MAMDC2: variants seen among roughly 807,000 people sequenced by gnomAD.
MAMDC2 encodes the protein MAM domain containing 2.
Under a neutral mutation model 89.8 loss-of-function variants are expected in MAMDC2, and 57 were observed. The observed-to-expected ratio is 0.63, with a 90% CI of 0.51 to 0.79. The LOEUF (loss-of-function observed/expected upper bound fraction) is 0.79, where lower values mean the gene tolerates loss of function less well. Among genes scored for constraint, MAMDC2 ranks in the 30% least tolerant of loss-of-function variants. The probability of loss-of-function intolerance (pLI) is 0.00; values close to 1 mark genes in which losing one functional copy is unlikely to be tolerated. For missense variants in MAMDC2, 800 were observed against 820.6 expected, an observed-to-expected ratio of 0.97 and a Z score of 0.31; for synonymous variants, 313 against 293.4, an observed-to-expected ratio of 1.07 and a Z score of -0.68.
At chr9:70,161,940 C>A (rs891879920) in intron 9 of MAMDC2, among the ~76,000 whole-genome samples, 1 of 152,110 alleles carries the variant, frequency 6.6e-6, no homozygotes, top group Non-Finnish European at 1.5e-5. Flanking sequence ...AAAATCAAAC[C>A]GTCTGGGAAA....
At chr9:70,203,598 G>A (rs1195203222) in intron 11 of MAMDC2, among the ~76,000 whole-genome samples, 9 of 74,212 alleles carry the variant, frequency 1.2e-4, no homozygotes, top group Admixed American at 7.0e-4. Context: ...TCTGAACGTT[G>A]GCCTGCCTTG....
intron 9 of MAMDC2, among the ~76,000 whole-genome samples, chr9:70,159,047 TACACACACACAC>T (rs755304556): frequency 1.2e-4 from 17 of 145,146 alleles, no homozygotes; most frequent in Admixed American, 3.5e-4. Flanking sequence ...GCATGCATAA[TACACACACACAC>T]ACACACACAC....
intron 11 of MAMDC2, among the ~76,000 whole-genome samples, chr9:70,186,111 T>A (rs2032749618): frequency 6.6e-6 from 1 of 152,160 alleles, no homozygotes; most frequent in African/African-American, 2.4e-5. Flanking sequence ...GTTGTATTAT[T>A]TTCATAACTA....
At chr9:70,057,184 G>A (rs1435653073) in intron 2 of MAMDC2, among the ~76,000 whole-genome samples, 1 of 152,134 alleles carries the variant, frequency 6.6e-6, no homozygotes, top group East Asian at 1.9e-4. Context: ...GGGGACTGTT[G>A]CTTTAAAGAG....
intron 2 of MAMDC2, among the ~76,000 whole-genome samples, chr9:70,070,626 G>A (rs1229448099): frequency 3.9e-5 from 6 of 152,130 alleles, no homozygotes; most frequent in Non-Finnish European, 8.8e-5. Flanking sequence ...GAGACAAGAA[G>A]ATCTTATAAC....
intron 2 of MAMDC2, among the ~76,000 whole-genome samples, chr9:70,078,265 C>T (rs947032801): frequency 1.3e-4 from 20 of 152,264 alleles, no homozygotes; most frequent in South Asian, 4.1e-4. Flanking sequence ...CCTCTTACCC[C>T]GTTTCTCTCC....
At chr9:70,146,675 G>C (rs895616517) in intron 9 of MAMDC2, among the ~76,000 whole-genome samples, 2 of 152,136 alleles carry the variant, frequency 1.3e-5, no homozygotes, top group African/African-American at 4.8e-5. Context: ...GCTCACACCT[G>C]AAGTCACAAC....
At chr9:70,221,635 T>A (rs887935300) in intron 12 of MAMDC2, among the ~76,000 whole-genome samples, 8 of 151,208 alleles carry the variant, frequency 5.3e-5, no homozygotes, top group Non-Finnish European at 1.0e-4. Context: ...ACTAAGAGAG[T>A]AAATTTCACA....
At chr9:70,080,302 G>A (rs1175411442) in intron 2 of MAMDC2, among the ~76,000 whole-genome samples, 1 of 152,104 alleles carries the variant, frequency 6.6e-6, no homozygotes, top group Non-Finnish European at 1.5e-5. Context: ...GTGTACCTAT[G>A]TTTTTATATG....
chr9:70,187,049 A>G (rs1453972373), intron 11 of MAMDC2, among the ~76,000 whole-genome samples: 1 of 151,996 alleles, frequency 6.6e-6, no homozygotes, highest in African/African-American at 2.4e-5. Context: ...AACTATATCA[A>G]CATGCATGTG....
intron 11 of MAMDC2, among the ~76,000 whole-genome samples, chr9:70,184,527 A>T (rs1269016954): frequency 2.0e-5 from 3 of 152,098 alleles, no homozygotes; most frequent in Non-Finnish European, 4.4e-5. Flanking sequence ...CCAATCAGTC[A>T]TAGATTTGGT....
intron 2 of MAMDC2, among the ~76,000 whole-genome samples, chr9:70,053,114 C>T (rs1052670091): frequency 6.6e-6 from 1 of 152,176 alleles, no homozygotes; most frequent in African/African-American, 2.4e-5. Context: ...CCATAGCACC[C>T]ACCTTGATGG....
intron 1 of MAMDC2, 41 bp downstream of exon 1, chr9:70,044,272 C>T: frequency 1.2e-6 from 2 of 1,602,520 alleles, no homozygotes; most frequent in Non-Finnish European, 8.5e-7. Context: ...GGCGCTCTGA[C>T]GACTCGCCCC....
intron 9 of MAMDC2, among the ~76,000 whole-genome samples, chr9:70,147,260 A>AAAAT (rs775039346): frequency 4.7e-5 from 7 of 150,176 alleles, no homozygotes; most frequent in African/African-American, 1.2e-4. Context: ...TCCATCTCAA[A>AAAAT]AAATAAATAA....
intron 9 of MAMDC2, among the ~76,000 whole-genome samples, chr9:70,159,658 A>G (rs1368107379): frequency 6.6e-6 from 1 of 152,236 alleles, no homozygotes; most frequent in East Asian, 1.9e-4. Context: ...TGTGGATTGC[A>G]TTCTATAAAT....
At chr9:70,141,559 C>T (rs2031224802) in intron 8 of MAMDC2, among the ~76,000 whole-genome samples, 1 of 152,058 alleles carries the variant, frequency 6.6e-6, no homozygotes, top group Non-Finnish European at 1.5e-5. Context: ...TCTTGGGGTC[C>T]ATGTTTGGAC....
intron 11 of MAMDC2, among the ~76,000 whole-genome samples, chr9:70,174,270 A>G (rs2032432500): frequency 6.6e-6 from 1 of 152,244 alleles, no homozygotes; most frequent in Non-Finnish European, 1.5e-5. Context: ...ACACAGATGA[A>G]CAAAACAGAC....
intron 9 of MAMDC2, chr9:70,154,106 ACT>A (rs754822613): frequency 2.6e-5 from 4 of 152,024 alleles, no homozygotes; most frequent in Admixed American, 6.6e-5. Context: ...CCATCATACT[ACT>A]CTCATAGCAC....
At position 70,221,403 on chromosome 9, in the gene MAMDC2, A is replaced by AGAGAGAGAGAGAGAGAGAGAGAGG. The variant is rs1564005264; in HGVS notation, c.1911+2812_1911+2813insAGAGAGAGAGAGAGAGAGGGAGAG. On this transcript the variant is annotated intron_variant, in intron 12 of 13. Transcript: ENST00000377182. ...TATAGAGAGAGAGAGAGAGAGAGAG[A>AGAGAGAGAGAGAGAGAGAGAGAGG]GAGAGTAACATCAGATAACAAGTGC... Among the ~76,000 whole-genome samples, 4 of 122,954 alleles carry AGAGAGAGAGAGAGAGAGAGAGAGG rather than the reference A, an allele frequency of 3.3e-5. 1 individual carries two copies. The East Asian group carries it at 9.6e-4, about 30-fold the overall frequency. 80.7% of individuals were successfully genotyped at this position (122,954 alleles called of 152,430 possible).
Sources: gnomAD v4.1 joint callset for allele counts (sites outside exome capture counted in the v4.1 genomes callset) on GRCh38, gnomAD v4.1.1 for gene constraint, MANE v1.5 for transcripts, NCBI Gene and HGNC (gene_info 2026-07-23, HGNC 2026-07-21) for gene names.